TSPAN5: variants seen among roughly 807,000 people sequenced by gnomAD.
TSPAN5 encodes the protein tetraspanin 5, also known as tetraspanin-5.
A neutral mutation model predicts 37.1 loss-of-function variants in TSPAN5; 10 were observed. That is an observed-to-expected ratio of 0.27 (90% CI 0.17 to 0.46). The LOEUF (loss-of-function observed/expected upper bound fraction) is 0.46. Among genes scored for constraint, TSPAN5 ranks in the 20% least tolerant of loss-of-function variants. The pLI, the probability that TSPAN5 is intolerant of heterozygous loss-of-function variation, is 1.00. For synonymous variants in TSPAN5, 110 were observed against 118.9 expected (o/e 0.93, Z 0.48); for missense variants, 195 against 326.6 (o/e 0.60, Z 3.11).
chr4:98,481,979 T>G (rs184407980), intron 4 of TSPAN5, 26 bp downstream of exon 4: 251 of 1,610,822 alleles, frequency 1.6e-4, no homozygotes, highest in Admixed American at 2.2e-4. Context: ...AACTTTCAAC[T>G]TGAAAACAAA....
intron 1 of TSPAN5, among the ~76,000 whole-genome samples, chr4:98,571,981 TATTTATTTA>T (rs1323673140): frequency 3.1e-5 from 3 of 98,182 alleles, no homozygotes; most frequent in Admixed American, 2.2e-4. Context: ...TTTATTTATT[TATTTATTTA>T]GAGACACAGT....
intron 1 of TSPAN5, among the ~76,000 whole-genome samples, chr4:98,606,080 A>G (rs2110226950): frequency 6.6e-6 from 1 of 152,348 alleles, no homozygotes; most frequent in East Asian, 1.9e-4. Context: ...CTGGGCAATC[A>G]AGACCATCTA....
At chr4:98,500,246 C>T (rs1464584630) in intron 2 of TSPAN5, 8 of 152,146 alleles carry the variant, frequency 5.3e-5, no homozygotes, top group African/African-American at 1.9e-4. Context: ...TTTCCTTCCT[C>T]GGCAAATAGG....
At chr4:98,555,974 C>A (rs554127132) in intron 1 of TSPAN5, among the ~76,000 whole-genome samples, 1 of 123,306 alleles carries the variant, frequency 8.1e-6, no homozygotes, top group African/African-American at 4.1e-5. Context: ...CACACACGCG[C>A]GCGCACACAC....
chr4:98,561,243 C>A (rs1295175388), intron 1 of TSPAN5, among the ~76,000 whole-genome samples: 1 of 152,258 alleles, frequency 6.6e-6, no homozygotes, highest in African/African-American at 2.4e-5. Context: ...TGGAAAGGGC[C>A]TGGGCCTATA....
At chr4:98,635,676 A>G (rs533003968) in intron 1 of TSPAN5, among the ~76,000 whole-genome samples, 1 of 152,328 alleles carries the variant, frequency 6.6e-6, no homozygotes, top group Non-Finnish European at 1.5e-5. Context: ...AGCAAAACAG[A>G]TTGCCCAGAG....
intron 3 of TSPAN5, chr4:98,482,415 A>G (rs12508322): frequency 0.068 from 23,330 of 343,958 alleles, 872 homozygotes; most frequent in Admixed American, 0.13. Context: ...TAATTAACCA[A>G]CAAAGCCCAT....
chr4:98,626,729 C>A (rs1371692242), intron 1 of TSPAN5, among the ~76,000 whole-genome samples: 2 of 152,094 alleles, frequency 1.3e-5, no homozygotes, highest in African/African-American at 4.8e-5. Context: ...CCTTCCCTGG[C>A]CACTTTATCA....
chr4:98,652,241 T>G (rs1232555101), intron 1 of TSPAN5, among the ~76,000 whole-genome samples: 1 of 152,186 alleles, frequency 6.6e-6, no homozygotes, highest in Non-Finnish European at 1.5e-5. Flanking sequence ...CCCCCACACT[T>G]GAAGCCCTTA....
chr4:98,563,980 G>C (rs188536262), intron 1 of TSPAN5, among the ~76,000 whole-genome samples: 1 of 152,198 alleles, frequency 6.6e-6, no homozygotes, highest in Admixed American at 6.5e-5. Context: ...GAAAATCTGT[G>C]CTAAATCATA....
At chr4:98,546,949 G>A (rs998209712) in intron 1 of TSPAN5, among the ~76,000 whole-genome samples, 1 of 152,176 alleles carries the variant, frequency 6.6e-6, no homozygotes, top group African/African-American at 2.4e-5. Flanking sequence ...CTGGGTGAGC[G>A]CTAATGAGGT....
chr4:98,609,233 T>C (rs1248465729), intron 1 of TSPAN5, among the ~76,000 whole-genome samples: 1 of 151,940 alleles, frequency 6.6e-6, no homozygotes, highest in East Asian at 1.9e-4. Context: ...CATACTGCTG[T>C]CCAAGCCCCA....
intron 2 of TSPAN5, among the ~76,000 whole-genome samples, chr4:98,488,346 A>AT (rs1474258438): frequency 6.6e-6 from 1 of 152,144 alleles, no homozygotes; most frequent in Non-Finnish European, 1.5e-5. Flanking sequence ...CGTTTGTTCT[A>AT]TTTTTCTGTC....
chr4:98,484,425 A>C (rs1578936723), intron 3 of TSPAN5: 1 of 455,924 alleles, frequency 2.2e-6, no homozygotes, highest in East Asian at 6.9e-5. Context: ...ATTCCAGGCA[A>C]GTTTTTATTG....
chr4:98,606,308 T>G (rs1756036860), intron 1 of TSPAN5, among the ~76,000 whole-genome samples: 1 of 152,230 alleles, frequency 6.6e-6, no homozygotes, highest in African/African-American at 2.4e-5. Context: ...CTGAAAGGTT[T>G]GCCCTTGGAT....
At chr4:98,567,726 C>A (rs1352905279) in intron 1 of TSPAN5, among the ~76,000 whole-genome samples, 1 of 151,958 alleles carries the variant, frequency 6.6e-6, no homozygotes, top group Non-Finnish European at 1.5e-5. Flanking sequence ...CTGAAAGGGG[C>A]CTGGAAAGGC....
chr4:98,520,946 G>T lies in TSPAN5; in HGVS notation c.82-13218C>A, dbSNP rs567890712. Among the ~76,000 whole-genome samples the T allele has an allele frequency of 7.3e-4, 110 of 151,436 alleles. 1 individual carries two copies. Among genetic ancestry groups the T allele is most frequent in the African/African-American group, 1.7e-3 (69 of 41,204 alleles). On this transcript the variant is annotated intron_variant, in intron 1 of 7. Coordinates refer to ENST00000305798, the MANE Select transcript of TSPAN5 (RefSeq NM_005723.4). ...TCTACACTTTTTTGGGGGGCAGGGT[G>T]GGGGGGATAGAGTCTCGCTCTGTCG...
At chr4:98,522,315 A>C (rs1753873693) in intron 1 of TSPAN5, among the ~76,000 whole-genome samples, 1 of 152,242 alleles carries the variant, frequency 6.6e-6, no homozygotes, top group Admixed American at 6.5e-5. Flanking sequence ...ATCTCTGAGA[A>C]CCTCAAGTCC....
chr4:98,548,896 T>G (rs930160607), intron 1 of TSPAN5, among the ~76,000 whole-genome samples: 1 of 151,508 alleles, frequency 6.6e-6, no homozygotes, highest in Non-Finnish European at 1.5e-5. Flanking sequence ...GGTGTGTGTG[T>G]GTGTGTGTGT....
Sources: gnomAD v4.1 joint callset for allele counts (sites outside exome capture counted in the v4.1 genomes callset) on GRCh38, gnomAD v4.1.1 for gene constraint, MANE v1.5 for transcripts, NCBI Gene and HGNC (gene_info 2026-07-23, HGNC 2026-07-21) for gene names.